CLSTN2: variants seen among roughly 807,000 people sequenced by gnomAD.
The protein encoded by CLSTN2 is calsyntenin-2.
A neutral mutation model predicts 101.2 loss-of-function variants in CLSTN2; 48 were observed. The observed-to-expected ratio is 0.47, with a 90% confidence interval of 0.38 to 0.60. The LOEUF (loss-of-function observed/expected upper bound fraction) is 0.60. CLSTN2 is among the 20% of genes least tolerant of loss of function. CLSTN2 has a pLI of 0.00. For synonymous variants in CLSTN2, 481 were observed against 463.6 expected, an observed-to-expected ratio of 1.04 and a Z score of -0.48; for missense variants, 1,160 against 1,238.2, an observed-to-expected ratio of 0.94 and a Z score of 0.95.
At chr3:140,315,996 T>G (rs1275133318) in intron 2 of CLSTN2, among the ~76,000 whole-genome samples, 1 of 152,170 alleles carries the variant, frequency 6.6e-6, no homozygotes, top group Non-Finnish European at 1.5e-5. Flanking sequence ...TTTCAGAAGA[T>G]AGTGCATTTA....
intron 1 of CLSTN2, among the ~76,000 whole-genome samples, chr3:139,989,860 T>A (rs1468806010): frequency 6.6e-6 from 1 of 152,232 alleles, no homozygotes; most frequent in Non-Finnish European, 1.5e-5. Context: ...GCAATCTATG[T>A]GAAATTGAAT....
chr3:140,215,079 T>C (rs1352674027), intron 2 of CLSTN2, among the ~76,000 whole-genome samples: 1 of 152,156 alleles, frequency 6.6e-6, no homozygotes, highest in South Asian at 2.1e-4. Flanking sequence ...AAATAGGAGG[T>C]GGGAAGATTC....
chr3:140,061,893 T>C (rs1349773379), intron 1 of CLSTN2, among the ~76,000 whole-genome samples: 2 of 152,228 alleles, frequency 1.3e-5, no homozygotes, highest in Non-Finnish European at 2.9e-5. Flanking sequence ...TACAGAAGCC[T>C]GTGCTCGCTT....
At chr3:140,051,582 G>C (rs773385989) in intron 1 of CLSTN2, among the ~76,000 whole-genome samples, 1 of 152,174 alleles carries the variant, frequency 6.6e-6, no homozygotes, top group Non-Finnish European at 1.5e-5. Context: ...TCACACGCGT[G>C]TTTCTCCATC....
chr3:140,062,999 G>C (rs558824441), intron 1 of CLSTN2, among the ~76,000 whole-genome samples: 1 of 152,248 alleles, frequency 6.6e-6, no homozygotes, highest in South Asian at 2.1e-4. Flanking sequence ...GTGATCTTGA[G>C]ATACATATGC....
chr3:140,032,759 C>G (rs911933295), intron 1 of CLSTN2, among the ~76,000 whole-genome samples: 5 of 152,214 alleles, frequency 3.3e-5, no homozygotes, highest in Admixed American at 1.3e-4. Context: ...CCCTGCAGCC[C>G]TGTTGGTTAG....
At chr3:140,553,350 C>A (rs1463789387) in intron 10 of CLSTN2, among the ~76,000 whole-genome samples, 1 of 152,022 alleles carries the variant, frequency 6.6e-6, no homozygotes, top group Non-Finnish European at 1.5e-5. Context: ...CATTTAAGAC[C>A]CACACAGGTA....
chr3:140,130,969 C>T (rs2009513355), intron 1 of CLSTN2, among the ~76,000 whole-genome samples: 1 of 152,074 alleles, frequency 6.6e-6, no homozygotes, highest in Admixed American at 6.6e-5. Context: ...CTGAGTTTCT[C>T]CCCCTGGACC....
chr3:140,141,790 C>T (rs916523304), intron 1 of CLSTN2, among the ~76,000 whole-genome samples: 2 of 152,174 alleles, frequency 1.3e-5, no homozygotes, highest in African/African-American at 4.8e-5. Context: ...TGGTCTTTGC[C>T]TTGTGCTTAC....
At chr3:140,034,132 C>A (rs931865443) in intron 1 of CLSTN2, among the ~76,000 whole-genome samples, 1 of 152,176 alleles carries the variant, frequency 6.6e-6, no homozygotes, top group Non-Finnish European at 1.5e-5. Flanking sequence ...CACTGACAAT[C>A]CTGAGTCAAC....
chr3:140,459,468 G>A (rs1474682252), intron 6 of CLSTN2, 53 bp from the exon 7 acceptor site: 1 of 1,600,562 alleles, frequency 6.2e-7, no homozygotes, highest in African/African-American at 1.3e-5. Flanking sequence ...GCAGAAAACA[G>A]ATGAGGACAC....
At position 140,481,050 on chromosome 3, in the gene CLSTN2, T is replaced by G. The variant is rs185629661; in HGVS notation, c.1344+14319T>G. ...CCTATGTCCTGAATGGTATTGCCTA[T>G]GTTTTGTTCGAGGGTTTTTATGGTT... On this transcript the variant is annotated intron_variant, in intron 8 of 16. Transcript: ENST00000458420. Among the ~76,000 whole-genome samples, 231 of 152,270 alleles carry G rather than the reference T, an allele frequency of 1.5e-3. 1 individual carries two copies. The highest frequency in any genetic ancestry group is 2.5e-3 in the Admixed American group (38 of 15,278).
intron 6 of CLSTN2, chr3:140,452,579 G>A (rs1345791742): frequency 3.3e-5 from 5 of 152,300 alleles, no homozygotes; most frequent in Admixed American, 1.3e-4. Context: ...TCCTCCTGCA[G>A]TCTAGACCCC....
At chr3:140,513,778 GT>G (rs1934865561) in intron 8 of CLSTN2, among the ~76,000 whole-genome samples, 1 of 151,622 alleles carries the variant, frequency 6.6e-6, no homozygotes, top group African/African-American at 2.4e-5. Flanking sequence ...GCTTTTTTTG[GT>G]TGGTAGGCTA....
chr3:140,485,299 C>G (rs1230470131), intron 8 of CLSTN2, among the ~76,000 whole-genome samples: 1 of 152,178 alleles, frequency 6.6e-6, no homozygotes, highest in Non-Finnish European at 1.5e-5. Context: ...ATGTTGCTGC[C>G]TGATTGTTCC....
rs991996903 is a variant in CLSTN2, at chr3:140,567,261, C to T, written c.*1008C>T. 1.3e-5 allele frequency: 2 copies of T among 152,218 alleles called. No homozygotes were observed. Among genetic ancestry groups the T allele is most frequent in the African/African-American group, 4.8e-5 (2 of 41,452 alleles). 9.4% of individuals were successfully genotyped at this position (152,218 alleles called of 1,614,324 possible). On this transcript the variant is annotated 3_prime_UTR_variant, in exon 17 of 17. Coordinates refer to ENST00000458420, the MANE Select transcript of CLSTN2 (RefSeq NM_022131.3). ...AGGGGACCCTGAGGTTGGCAAGGCT[C>T]TCACCACTCAGCCTTATGGTCCCTT...
At chr3:140,152,686 G>A (rs6767002) in intron 1 of CLSTN2, among the ~76,000 whole-genome samples, 1,655 of 152,250 alleles carry the variant, frequency 0.011, 29 homozygotes, top group African/African-American at 0.036. Context: ...TGTTTTGGAA[G>A]TGATTTCCAG....
chr3:140,548,514 A>T (rs990997706), intron 10 of CLSTN2, among the ~76,000 whole-genome samples: 1 of 152,158 alleles, frequency 6.6e-6, no homozygotes, highest in Non-Finnish European at 1.5e-5. Context: ...TCCTTGGATG[A>T]GGTGATGAGG....
intron 1 of CLSTN2, among the ~76,000 whole-genome samples, chr3:140,069,434 G>T (rs2008355142): frequency 1.3e-5 from 2 of 152,206 alleles, no homozygotes; most frequent in Non-Finnish European, 2.9e-5. Context: ...ACCCCAACTA[G>T]TGGGAAGGGG....
Sources: allele counts gnomAD v4.1 joint callset (sites outside exome capture counted in the v4.1 genomes callset), GRCh38; gene constraint gnomAD v4.1.1; transcripts MANE v1.5; gene names NCBI Gene and HGNC (gene_info 2026-07-23, HGNC 2026-07-21).